ORC4: variants seen among roughly 807,000 people sequenced by gnomAD.
ORC4 encodes the protein origin recognition complex subunit 4.
A neutral mutation model predicts 63.9 loss-of-function variants in ORC4; 55 were observed. The ratio of observed to expected loss-of-function variants is 0.86; its 90% CI spans 0.69 to 1.08. The LOEUF (loss-of-function observed/expected upper bound fraction) is 1.08. Ranked by LOEUF, ORC4 falls within the 50% of genes least tolerant of loss-of-function variation. The pLI is 0.00. For synonymous variants in ORC4, 150 were observed against 168.5 expected (o/e 0.89, Z 0.85); for missense variants, 511 against 504.4 (o/e 1.01, Z -0.13).
Position 147,931,659 on chromosome 2 carries a change from A to G in ORC4, c.*3851T>C, listed in dbSNP as rs1687743842. On this transcript the variant is annotated 3_prime_UTR_variant, in exon 14 of 14. Coordinates refer to ENST00000392857, the MANE Select transcript of ORC4 (RefSeq NM_181741.4). ...ATGCAAGGCTGGTTCAATATACGCA[A>G]ATCAATGAATGTAATCCAGCATATA... 6.6e-6 allele frequency: 1 copy of G among 152,168 alleles called. No individual in the cohort carries two copies. The highest frequency in any genetic ancestry group is 1.5e-5 in the Non-Finnish European group (1 of 68,038). The allele number at this position is 152,168 out of a possible 1,614,324, so 9.4% of individuals were successfully genotyped here. A position where few individuals can be genotyped will look rare whatever the true frequency, so the allele number is the denominator to read the frequency against.
At chr2:148,014,288 C>T (rs1368606565) in intron 1 of ORC4, among the ~76,000 whole-genome samples, 1 of 152,148 alleles carries the variant, frequency 6.6e-6, no homozygotes, top group Non-Finnish European at 1.5e-5. Flanking sequence ...AGTTTAAGGA[C>T]AACATCATTA....
rs74855627 is a variant in ORC4 at position 147,930,857 on chromosome 2, T to G, written c.*4653A>C. ...CATATGCAGTTTTTCTTTAGCTATG[T>G]TTTTTTTTTTTTTTATACTTTAAGT... On this transcript the variant is annotated 3_prime_UTR_variant, in exon 14 of 14. Transcript: ENST00000392857. The G allele has an allele frequency of 4.1e-5, 2 of 48,854 alleles. No individual in the cohort carries two copies. Among genetic ancestry groups the G allele is most frequent in the East Asian group, 8.7e-4 (1 of 1,156 alleles). The allele number at this position is 48,854 out of a possible 1,614,324, so 3.0% of individuals were successfully genotyped here. A position where few individuals can be genotyped will look rare whatever the true frequency, so the allele number is the denominator to read the frequency against.
rs1687993020 is a variant in ORC4, at chr2:147,935,406, AAGAATGTTTAT to A, written c.*93_*103del. 1.1e-6 allele frequency: 1 copy of A among 873,914 alleles called. No homozygotes were observed. The highest frequency in any genetic ancestry group is 1.6e-5 in the African/African-American group (1 of 61,110). The allele number at this position is 873,914 out of a possible 1,614,324, so 54.1% of individuals were successfully genotyped here. ...AGATGGGCAAGTCTCACATAAATAC[AAGAATGTTTAT>A]AGAATGTTTAGCATATCATGTTAAT... On this transcript the variant is annotated 3_prime_UTR_variant, in exon 14 of 14. Transcript: ENST00000392857.
At chr2:147,962,055 C>G (rs1313281499) in intron 4 of ORC4, among the ~76,000 whole-genome samples, 2 of 152,086 alleles carry the variant, frequency 1.3e-5, no homozygotes, top group Non-Finnish European at 2.9e-5. Context: ...TGGAGTGCAG[C>G]AGGGAAGGGG....
intron 6 of ORC4, among the ~76,000 whole-genome samples, chr2:147,956,975 G>A (rs1689284540): frequency 6.6e-6 from 1 of 151,218 alleles, no homozygotes; most frequent in African/African-American, 2.4e-5. Context: ...CTAAACAGGA[G>A]GTAGAATATT....
intron 1 of ORC4, among the ~76,000 whole-genome samples, chr2:147,999,732 A>G (rs1351383610): frequency 6.6e-6 from 1 of 152,164 alleles, no homozygotes; most frequent in Non-Finnish European, 1.5e-5. Flanking sequence ...CAAAATGCCC[A>G]GCCATATTCA....
intron 10 of ORC4, among the ~76,000 whole-genome samples, chr2:147,941,588 A>C (rs1387146566): frequency 6.6e-6 from 1 of 152,080 alleles, no homozygotes; most frequent in Non-Finnish European, 1.5e-5. Flanking sequence ...CAATGACAAC[A>C]AATAATGGGA....
chr2:147,938,042 T>C (rs1377653446), intron 13 of ORC4, 104 bp downstream of exon 13: 1 of 791,468 alleles, frequency 1.3e-6, no homozygotes, highest in East Asian at 2.7e-5. Flanking sequence ...AAAATCTCTA[T>C]AATACTTAAT....
At chr2:147,974,088 G>A (rs969437287) in intron 2 of ORC4, among the ~76,000 whole-genome samples, 1 of 152,152 alleles carries the variant, frequency 6.6e-6, no homozygotes. Context: ...CTGACAGCAT[G>A]GAACTAATCC....
intron 1 of ORC4, among the ~76,000 whole-genome samples, chr2:147,981,455 T>C (rs1261812505): frequency 6.6e-6 from 1 of 152,192 alleles, no homozygotes; most frequent in African/African-American, 2.4e-5. Context: ...TTTTGGAACT[T>C]CAGCTGACCA....
chr2:148,000,159 GA>G (rs1263700403), intron 1 of ORC4, among the ~76,000 whole-genome samples: 1 of 151,740 alleles, frequency 6.6e-6, no homozygotes, highest in Non-Finnish European at 1.5e-5. Context: ...GAAAATTAAA[GA>G]AAAAACATGA....
chr2:147,932,794 G>A lies in ORC4; in HGVS notation c.*2716C>T, dbSNP rs1255158509. 6.6e-6 allele frequency: 1 copy of A among 152,042 alleles called. No individual in the cohort carries two copies. The highest frequency in any genetic ancestry group is 1.5e-5 in the Non-Finnish European group (1 of 68,014). 9.4% of individuals were successfully genotyped at this position (152,042 alleles called of 1,614,324 possible). A position where few individuals can be genotyped will look rare whatever the true frequency, so the allele number is the denominator to read the frequency against. The stretch of plus-strand genomic sequence containing the variant: ...GATGGGGCAGCACTTAGGTTATGGT[G>A]GTTTGAAAGAAACTGAATTGCTTTC... On this transcript the variant is annotated 3_prime_UTR_variant, in exon 14 of 14. Coordinates refer to ENST00000392857, the MANE Select transcript of ORC4 (RefSeq NM_181741.4).
intron 1 of ORC4, among the ~76,000 whole-genome samples, chr2:148,003,201 C>T (rs901886092): frequency 1.3e-5 from 2 of 152,168 alleles, no homozygotes; most frequent in Non-Finnish European, 2.9e-5. Flanking sequence ...GAGCTGGTAC[C>T]ATTCCTTCTG....
rs1442696920 is a variant in ORC4 at position 147,932,229 on chromosome 2, C to G, written c.*3281G>C. 1 of 151,462 alleles carries G rather than the reference C, an allele frequency of 6.6e-6. No homozygotes were observed. Among genetic ancestry groups the G allele is most frequent in the African/African-American group, 2.4e-5 (1 of 41,150 alleles). 9.4% of individuals were successfully genotyped at this position (151,462 alleles called of 1,614,324 possible). A position where few individuals can be genotyped will look rare whatever the true frequency, so the allele number is the denominator to read the frequency against. On this transcript the variant is annotated 3_prime_UTR_variant, in exon 14 of 14. Coordinates refer to ENST00000392857, the MANE Select transcript of ORC4 (RefSeq NM_181741.4). ...AATTGCTTCAAAGAGAATAAAATAC[C>G]TAGGAATCCAACTTACAAGGGATGT...
At chr2:147,965,233 G>A (rs535223250) in intron 4 of ORC4, among the ~76,000 whole-genome samples, 3 of 152,026 alleles carry the variant, frequency 2.0e-5, no homozygotes, top group Admixed American at 1.3e-4. Flanking sequence ...AGAAACAAAG[G>A]ATATATGAAA....
intron 4 of ORC4, among the ~76,000 whole-genome samples, chr2:147,963,349 A>G (rs1689715559): frequency 6.6e-6 from 1 of 152,140 alleles, no homozygotes; most frequent in South Asian, 2.1e-4. Context: ...CATCTGCTGC[A>G]GAAAAGTTCC....
At chr2:147,984,740 AT>A in intron 1 of ORC4, among the ~76,000 whole-genome samples, 1 of 152,222 alleles carries the variant, frequency 6.6e-6, no homozygotes, top group East Asian at 1.9e-4. Flanking sequence ...GCCTATGTGC[AT>A]TTCCCCATGA....
intron 3 of ORC4, 97 bp downstream of exon 3, chr2:147,973,351 A>G (rs1690335731): frequency 5.0e-6 from 4 of 796,138 alleles, no homozygotes; most frequent in Non-Finnish European, 9.0e-6. Flanking sequence ...AGTGTTTGTT[A>G]GCTTTATTTA....
At chr2:147,967,546 C>T (rs910517491) in intron 4 of ORC4, among the ~76,000 whole-genome samples, 1 of 150,988 alleles carries the variant, frequency 6.6e-6, no homozygotes, top group African/African-American at 2.4e-5. Context: ...TTTATAAGAG[C>T]TACCAAAAAA....
Sources: allele counts gnomAD v4.1 joint callset (sites outside exome capture counted in the v4.1 genomes callset), GRCh38; gene constraint gnomAD v4.1.1; transcripts MANE v1.5; gene names NCBI Gene and HGNC (gene_info 2026-07-23, HGNC 2026-07-21).